The following ZNF892 variants were observed in gnomAD, a reference collection of about 807,000 sequenced individuals.
The protein encoded by ZNF892 is zinc finger protein 892.
chr2:95,208,848 T>C, the ZNF892 span: 3 of 396,048 alleles, frequency 7.6e-6, no homozygotes, highest in Non-Finnish European at 1.3e-5. Flanking sequence ...GGGTTCATCC[T>C]GATAAACTGA....
At chr2:95,210,169 A>G in the ZNF892 span, among the ~76,000 whole-genome samples, 13 of 148,786 alleles carry the variant, frequency 8.7e-5, no homozygotes, top group African/African-American at 2.5e-4. Context: ...GTATATATGT[A>G]TATATGTGTA....
chr2:95,252,715 G>C, the ZNF892 span, among the ~76,000 whole-genome samples: 1 of 152,162 alleles, frequency 6.6e-6, no homozygotes, highest in African/African-American at 2.4e-5. Flanking sequence ...GTGTGAAAGT[G>C]TTCCTATTTC....
chr2:95,254,728 G>A, the ZNF892 span, among the ~76,000 whole-genome samples: 1 of 152,102 alleles, frequency 6.6e-6, no homozygotes, highest in African/African-American at 2.4e-5. Context: ...TTTTTGGTTG[G>A]TAAGCTATTA....
the ZNF892 span, among the ~76,000 whole-genome samples, chr2:95,235,668 A>G: frequency 6.6e-6 from 1 of 152,028 alleles, no homozygotes; most frequent in Admixed American, 6.5e-5. Context: ...GCCCCAGTAA[A>G]CTTTCTCAGT....
At chr2:95,253,901 G>T in the ZNF892 span, among the ~76,000 whole-genome samples, 3 of 152,150 alleles carry the variant, frequency 2.0e-5, no homozygotes, top group Admixed American at 1.3e-4. Flanking sequence ...TGGTGTATAA[G>T]AATGCTTGTG....
At chr2:95,238,747 G>A in the ZNF892 span, among the ~76,000 whole-genome samples, 1 of 152,220 alleles carries the variant, frequency 6.6e-6, no homozygotes, top group African/African-American at 2.4e-5. Flanking sequence ...TTTGGAAGAA[G>A]CTGATTTCAG....
chr2:95,233,411 C>A, the ZNF892 span, among the ~76,000 whole-genome samples: 2 of 151,440 alleles, frequency 1.3e-5, no homozygotes, highest in Non-Finnish European at 2.9e-5. Flanking sequence ...CGGTGGCTCA[C>A]GCCTGTAATC....
chr2:95,207,482 G>T, the ZNF892 span: 1 of 238,122 alleles, frequency 4.2e-6, no homozygotes, highest in Non-Finnish European at 8.0e-6. Flanking sequence ...TGGGAGTGAG[G>T]GCCGTCAGCC....
At chr2:95,241,238 G>C in the ZNF892 span, among the ~76,000 whole-genome samples, 1 of 152,154 alleles carries the variant, frequency 6.6e-6, no homozygotes, top group East Asian at 1.9e-4. Context: ...GCATGTTTGG[G>C]CCGGCAACAG....
At chr2:95,260,686 A>G in the ZNF892 span, among the ~76,000 whole-genome samples, 47 of 152,296 alleles carry the variant, frequency 3.1e-4, no homozygotes, top group African/African-American at 1.1e-3. Context: ...TGACTGCAAG[A>G]GTAAAGGGCC....
the ZNF892 span, among the ~76,000 whole-genome samples, chr2:95,249,229 A>G: frequency 1.4e-5 from 1 of 70,626 alleles, no homozygotes; most frequent in Non-Finnish European, 2.7e-5. Context: ...ATATATATAT[A>G]TATTTTTTTT....
the ZNF892 span, among the ~76,000 whole-genome samples, chr2:95,243,624 G>C: frequency 1.3e-5 from 2 of 151,084 alleles, no homozygotes; most frequent in Admixed American, 1.3e-4. Flanking sequence ...CAGCCGCCCC[G>C]TCTGAGAAGT....
At chr2:95,250,581 ATAAGC>A in the ZNF892 span, among the ~76,000 whole-genome samples, 4 of 145,958 alleles carry the variant, frequency 2.7e-5, no homozygotes, top group East Asian at 2.0e-4. Flanking sequence ...ATTTATAAAT[ATAAGC>A]TATTCATAAA....
the ZNF892 span, chr2:95,215,067 A>G: frequency 2.0e-6 from 1 of 508,996 alleles, no homozygotes; most frequent in Non-Finnish European, 3.6e-6. Flanking sequence ...CTTCAGCCAA[A>G]GCACATTCCT....
the ZNF892 span, among the ~76,000 whole-genome samples, chr2:95,228,121 G>A: frequency 1.3e-5 from 2 of 152,142 alleles, no homozygotes; most frequent in Non-Finnish European, 1.5e-5. Context: ...TTTCCACCTC[G>A]TTTTGTCTTT....
At chr2:95,254,633 T>TA in the ZNF892 span, among the ~76,000 whole-genome samples, 1 of 152,236 alleles carries the variant, frequency 6.6e-6, no homozygotes, top group Non-Finnish European at 1.5e-5. Context: ...TTTCTATTGA[T>TA]TGGAATAGTT....
chr2:95,222,377 G>C, the ZNF892 span, among the ~76,000 whole-genome samples: 1 of 152,194 alleles, frequency 6.6e-6, no homozygotes, highest in Non-Finnish European at 1.5e-5. Flanking sequence ...AGGTCATATG[G>C]TGAGTGTATG....
chr2:95,251,536 A>G, the ZNF892 span, among the ~76,000 whole-genome samples: 2 of 152,094 alleles, frequency 1.3e-5, no homozygotes, highest in Non-Finnish European at 2.9e-5. Context: ...GAACTCCCCA[A>G]TCAAAGACTG....
At chr2:95,210,211 G>A in the ZNF892 span, among the ~76,000 whole-genome samples, 1 of 146,700 alleles carries the variant, frequency 6.8e-6, no homozygotes, top group African/African-American at 2.5e-5. Flanking sequence ...GTATATATGT[G>A]TATATATGTA....
Sources: allele counts gnomAD v4.1 joint callset (sites outside exome capture counted in the v4.1 genomes callset), GRCh38; gene constraint gnomAD v4.1.1; transcripts MANE v1.5; gene names NCBI Gene and HGNC (gene_info 2026-07-23, HGNC 2026-07-21).